The following CNTN4 variants were observed in gnomAD, a reference collection of about 807,000 sequenced individuals.
The protein encoded by CNTN4 is contactin-4.
In CNTN4, 77 loss-of-function variants were observed where a neutral mutation model predicts 122.5. That is an observed-to-expected ratio of 0.63 (90% CI 0.52 to 0.76). The LOEUF (loss-of-function observed/expected upper bound fraction) is 0.76, where lower values mean the gene tolerates loss of function less well. CNTN4 is among the 30% of genes least tolerant of loss of function. CNTN4 has a pLI of 0.00. For synonymous variants in CNTN4, 512 were observed against 447.0 expected, an observed-to-expected ratio of 1.15 and a Z score of -1.83; for missense variants, 1,256 against 1,259.1, an observed-to-expected ratio of 1.00 and a Z score of 0.04.
In CNTN4 at chr3:2,493,284, C is replaced by G. The variant is rs11922383; in HGVS notation, c.-88-78132C>G. On this transcript the variant is annotated intron_variant, in intron 3 of 24. Transcript: ENST00000418658. ...GACTCAATGGGACTACCCTAATACT[C>G]TTGCAGAATCTAAACTAGATTATAC... Among the ~76,000 whole-genome samples, 532 of 152,094 alleles carry G rather than the reference C, an allele frequency of 3.5e-3. 4 individuals are homozygous for G. Among genetic ancestry groups the G allele is most frequent in the African/African-American group, 0.012 (511 of 41,466 alleles).
intron 13 of CNTN4, among the ~76,000 whole-genome samples, chr3:2,980,389 C>T (rs1031445271): frequency 7.8e-6 from 1 of 128,782 alleles, no homozygotes; most frequent in Non-Finnish European, 1.5e-5. Context: ...TGTTCTAAGC[C>T]AAGAACAGAT....
At chr3:2,979,450 A>G (rs1693752130) in intron 13 of CNTN4, among the ~76,000 whole-genome samples, 1 of 152,224 alleles carries the variant, frequency 6.6e-6, no homozygotes. Context: ...AATTATTTTA[A>G]CTATGTTTGG....
chr3:2,286,276 T>C (rs1056750299), intron 2 of CNTN4, among the ~76,000 whole-genome samples: 1 of 142,080 alleles, frequency 7.0e-6, no homozygotes, highest in Non-Finnish European at 1.5e-5. Flanking sequence ...ATATTTGGAC[T>C]TTAAAAAACA....
intron 2 of CNTN4, among the ~76,000 whole-genome samples, chr3:2,108,946 A>G (rs1396126103): frequency 1.3e-5 from 2 of 152,332 alleles, no homozygotes; most frequent in East Asian, 1.9e-4. Flanking sequence ...CAAAAATACA[A>G]TTACACTCAG....
At chr3:2,665,320 GC>G (rs1174457892) in intron 4 of CNTN4, among the ~76,000 whole-genome samples, 1 of 152,172 alleles carries the variant, frequency 6.6e-6, no homozygotes, top group African/African-American at 2.4e-5. Context: ...ATTTTCATGA[GC>G]TTTACTAGTT....
At chr3:2,668,625 CTA>C (rs1233250240) in intron 4 of CNTN4, among the ~76,000 whole-genome samples, 1 of 152,162 alleles carries the variant, frequency 6.6e-6, no homozygotes, top group Non-Finnish European at 1.5e-5. Flanking sequence ...ACTTCCAACA[CTA>C]TGTTGAATAG....
intron 3 of CNTN4, among the ~76,000 whole-genome samples, chr3:2,415,325 A>G (rs992101750): frequency 1.1e-4 from 17 of 152,188 alleles, no homozygotes; most frequent in Non-Finnish European, 1.3e-4. Context: ...TGTTCTTCCC[A>G]CATCAAACCT....
chr3:2,172,423 G>T (rs900635424), intron 2 of CNTN4, among the ~76,000 whole-genome samples: 11 of 152,050 alleles, frequency 7.2e-5, no homozygotes, highest in African/African-American at 2.7e-4. Flanking sequence ...TGGGGGTGAG[G>T]CATAAAAGAC....
chr3:2,626,392 G>A (rs1164735384), intron 4 of CNTN4, among the ~76,000 whole-genome samples: 1 of 151,968 alleles, frequency 6.6e-6, no homozygotes, highest in Non-Finnish European at 1.5e-5. Flanking sequence ...AGCTACTCGG[G>A]AGGCTGAGGC....
At chr3:2,567,464 C>T (rs997749179) in intron 3 of CNTN4, among the ~76,000 whole-genome samples, 4 of 152,144 alleles carry the variant, frequency 2.6e-5, no homozygotes, top group Admixed American at 1.3e-4. Context: ...CTCTTTCCCC[C>T]TCAGCCTATA....
chr3:2,254,360 T>C (rs947975248), intron 2 of CNTN4, among the ~76,000 whole-genome samples: 4 of 152,156 alleles, frequency 2.6e-5, no homozygotes, highest in Non-Finnish European at 5.9e-5. Context: ...TACATGCGCA[T>C]GTGTCATTAT....
intron 4 of CNTN4, among the ~76,000 whole-genome samples, chr3:2,670,734 G>T (rs2084458898): frequency 6.6e-6 from 1 of 152,174 alleles, no homozygotes; most frequent in South Asian, 2.1e-4. Flanking sequence ...GCTGGTACCG[G>T]TTGTTCCTTT....
chr3:2,764,710 C>T (rs1212786839), intron 6 of CNTN4, among the ~76,000 whole-genome samples: 1 of 152,198 alleles, frequency 6.6e-6, no homozygotes, highest in Non-Finnish European at 1.5e-5. Context: ...TAAGTCTAAT[C>T]ATCAGTTCAC....
intron 2 of CNTN4, among the ~76,000 whole-genome samples, chr3:2,264,388 A>G (rs899457708): frequency 2.6e-5 from 4 of 152,032 alleles, no homozygotes; most frequent in African/African-American, 9.7e-5. Context: ...AAATTTTGTA[A>G]TATACCCATT....
intron 6 of CNTN4, among the ~76,000 whole-genome samples, chr3:2,789,476 A>C (rs971039206): frequency 6.6e-6 from 1 of 152,326 alleles, no homozygotes; most frequent in South Asian, 2.1e-4. Context: ...TCTATTGCCC[A>C]GGCTGGAGTG....
At chr3:2,777,377 A>G (rs371294795) in intron 6 of CNTN4, among the ~76,000 whole-genome samples, 3 of 152,222 alleles carry the variant, frequency 2.0e-5, no homozygotes, top group African/African-American at 7.2e-5. Flanking sequence ...CGGCTCTCCA[A>G]CTAATACTTC....
chr3:2,382,856 C>G (rs2046078454), intron 3 of CNTN4, among the ~76,000 whole-genome samples: 1 of 151,948 alleles, frequency 6.6e-6, no homozygotes, highest in Non-Finnish European at 1.5e-5. Context: ...GGCGGATCAC[C>G]TGAGGTCAGG....
chr3:2,937,649 A>G (rs1395897767), intron 13 of CNTN4, among the ~76,000 whole-genome samples: 8 of 152,192 alleles, frequency 5.3e-5, no homozygotes, highest in Non-Finnish European at 1.2e-4. Context: ...TACTGTGACC[A>G]TGTATACACA....
intron 3 of CNTN4, among the ~76,000 whole-genome samples, chr3:2,512,762 T>G (rs546944110): frequency 6.6e-6 from 1 of 152,178 alleles, no homozygotes; most frequent in Non-Finnish European, 1.5e-5. Flanking sequence ...AATTGAAGTT[T>G]CCACACTGAG....
Sources: allele counts gnomAD v4.1 joint callset (sites outside exome capture counted in the v4.1 genomes callset), GRCh38; gene constraint gnomAD v4.1.1; transcripts MANE v1.5; gene names NCBI Gene and HGNC (gene_info 2026-07-23, HGNC 2026-07-21).